Variants in CATSPERB observed in about 807,000 individuals in gnomAD.
The protein encoded by CATSPERB is cation channel sperm-associated auxiliary subunit beta.
A neutral mutation model predicts 128.3 loss-of-function variants in CATSPERB; 93 were observed. The ratio of observed to expected loss-of-function variants is 0.72; its 90% CI spans 0.61 to 0.86. CATSPERB has a LOEUF of 0.86. Ranked by LOEUF, CATSPERB falls within the 40% of genes least tolerant of loss-of-function variation. The pLI, the probability that CATSPERB is intolerant of heterozygous loss-of-function variation, is 0.00. For synonymous variants in CATSPERB, 381 were observed against 448.8 expected (o/e 0.85, Z 1.91); for missense variants, 1,153 against 1,329.5 (o/e 0.87, Z 2.06).
At chr14:91,672,752 C>G in intron 13 of CATSPERB, 115 bp downstream of exon 13, 3 of 765,830 alleles carry the variant, frequency 3.9e-6, no homozygotes, top group Non-Finnish European at 6.1e-6. Context: ...TTTGCTATAG[C>G]CAATTTTATA....
intron 15 of CATSPERB, among the ~76,000 whole-genome samples, chr14:91,658,592 A>G (rs1595167719): frequency 6.7e-6 from 1 of 149,532 alleles, no homozygotes; most frequent in Non-Finnish European, 1.5e-5. Flanking sequence ...TGTGATGGAT[A>G]CCCCATTTAC....
At chr14:91,663,699 A>T (rs1894928643) in intron 14 of CATSPERB, among the ~76,000 whole-genome samples, 1 of 151,462 alleles carries the variant, frequency 6.6e-6, no homozygotes, top group African/African-American at 2.4e-5. Flanking sequence ...TTGTGAAGAG[A>T]TGGCGGATAT....
chr14:91,601,276 T>C (rs895102635), intron 22 of CATSPERB, among the ~76,000 whole-genome samples: 5 of 152,226 alleles, frequency 3.3e-5, no homozygotes, highest in Admixed American at 1.3e-4. Flanking sequence ...GAAAGTTATG[T>C]TGCAAAATGG....
chr14:91,727,049 A>T (rs1272673104), intron 2 of CATSPERB, among the ~76,000 whole-genome samples: 1 of 152,202 alleles, frequency 6.6e-6, no homozygotes, highest in Non-Finnish European at 1.5e-5. Context: ...ATAAGAGTTA[A>T]ATTTGACTTG....
intron 10 of CATSPERB, among the ~76,000 whole-genome samples, chr14:91,690,876 A>G (rs986006576): frequency 1.1e-4 from 16 of 152,342 alleles, no homozygotes; most frequent in Non-Finnish European, 1.5e-4. Flanking sequence ...ATGAGGACAG[A>G]ATAGGGAGGG....
chr14:91,619,936 A>G (rs191709362), intron 19 of CATSPERB, among the ~76,000 whole-genome samples: 419 of 149,496 alleles, frequency 2.8e-3, no homozygotes, highest in Non-Finnish European at 2.7e-3. Flanking sequence ...GGCTCTTGCT[A>G]TATTGCCCAG....
At chr14:91,607,740 A>C (rs1260427416) in intron 22 of CATSPERB, among the ~76,000 whole-genome samples, 1 of 152,166 alleles carries the variant, frequency 6.6e-6, no homozygotes, top group African/African-American at 2.4e-5. Flanking sequence ...GTGTATGGGC[A>C]GGTGGGTGCA....
At chr14:91,692,456 G>A (rs975279744) in intron 9 of CATSPERB, among the ~76,000 whole-genome samples, 3 of 152,134 alleles carry the variant, frequency 2.0e-5, no homozygotes, top group Non-Finnish European at 4.4e-5. Flanking sequence ...CTAGTCATCT[G>A]AGCAACAAAT....
intron 10 of CATSPERB, among the ~76,000 whole-genome samples, chr14:91,684,886 G>A (rs1895346985): frequency 6.6e-6 from 1 of 151,884 alleles, no homozygotes; most frequent in Non-Finnish European, 1.5e-5. Flanking sequence ...CAAAGTGCTG[G>A]CATTATAGGT....
At chr14:91,731,436 C>T (rs1896208655) in intron 1 of CATSPERB, among the ~76,000 whole-genome samples, 1 of 152,150 alleles carries the variant, frequency 6.6e-6, no homozygotes, top group South Asian at 2.1e-4. Context: ...GAAGTCTGTC[C>T]ATCGAAATAT....
chr14:91,586,491 C>T (rs1025761776), intron 26 of CATSPERB, among the ~76,000 whole-genome samples: 1 of 147,358 alleles, frequency 6.8e-6, no homozygotes, highest in Non-Finnish European at 1.5e-5. Context: ...GGCCACCCAC[C>T]ACTGTAGTAG....
chr14:91,668,243 AAAACT>A (rs72495042), intron 14 of CATSPERB, among the ~76,000 whole-genome samples: 59,607 of 151,454 alleles, frequency 0.39, 11,824 homozygotes, highest in Middle Eastern at 0.53. Context: ...GTCTAGCTAG[AAAACT>A]AGATTGTAAA....
chr14:91,705,910 G>T (rs1462343842), intron 6 of CATSPERB, among the ~76,000 whole-genome samples: 1 of 151,920 alleles, frequency 6.6e-6, no homozygotes, highest in African/African-American at 2.4e-5. Context: ...AGCTAAAGTC[G>T]AATTTTCATG....
intron 7 of CATSPERB, among the ~76,000 whole-genome samples, chr14:91,695,980 C>G (rs116326314): frequency 3.9e-4 from 59 of 152,264 alleles, no homozygotes; most frequent in African/African-American, 1.4e-3. Flanking sequence ...ATGAGAAATA[C>G]TGGAGAGAAA....
At chr14:91,706,227 C>A (rs550351829) in intron 6 of CATSPERB, among the ~76,000 whole-genome samples, 1 of 152,216 alleles carries the variant, frequency 6.6e-6, no homozygotes, top group African/African-American at 2.4e-5. Context: ...CAAGGACAGC[C>A]AAGAAGGGAA....
intron 23 of CATSPERB, among the ~76,000 whole-genome samples, chr14:91,591,363 G>A (rs1167318820): frequency 1.3e-5 from 2 of 152,006 alleles, no homozygotes; most frequent in African/African-American, 2.4e-5. Flanking sequence ...CCCCAACTGC[G>A]TATTTGACTC....
intron 18 of CATSPERB, among the ~76,000 whole-genome samples, chr14:91,623,516 T>C (rs1255525850): frequency 6.6e-6 from 1 of 152,246 alleles, no homozygotes; most frequent in Admixed American, 6.5e-5. Context: ...TCCTCAAATC[T>C]GTGTCTCTAG....
chr14:91,641,519 G>A (rs1283404572), intron 15 of CATSPERB, among the ~76,000 whole-genome samples: 1 of 151,976 alleles, frequency 6.6e-6, no homozygotes, highest in Non-Finnish European at 1.5e-5. Context: ...AGATAGTTGT[G>A]GGTATGTGGC....
At chr14:91,674,351 AAAT>A (rs990216471) in intron 11 of CATSPERB, 129 bp from the exon 12 acceptor site, 144 of 586,892 alleles carry the variant, frequency 2.5e-4, no homozygotes, top group East Asian at 3.0e-4. Context: ...TGGTAAATGA[AAAT>A]AATAATAATA....
Sources: allele counts gnomAD v4.1 joint callset (sites outside exome capture counted in the v4.1 genomes callset), GRCh38; gene constraint gnomAD v4.1.1; transcripts MANE v1.5; gene names NCBI Gene and HGNC (gene_info 2026-07-23, HGNC 2026-07-21).